Variants in CTNNA2 observed in about 807,000 individuals in gnomAD.
CTNNA2 encodes catenin alpha-2.
CTNNA2 carries 42 observed loss-of-function variants against 101.0 expected under a neutral mutation model. The observed-to-expected ratio is 0.42, with a 90% CI of 0.32 to 0.54. CTNNA2 has a LOEUF of 0.54. Ranked by LOEUF, CTNNA2 falls within the 20% of genes least tolerant of loss-of-function variation. The pLI, the probability that CTNNA2 is intolerant of heterozygous loss-of-function variation, is 0.14. For synonymous variants in CTNNA2, 450 were observed against 456.4 expected (o/e 0.99, Z 0.18); for missense variants, 871 against 1,223.1 (o/e 0.71, Z 4.29).
At chr2:79,891,972 T>C (rs1259054118) in intron 6 of CTNNA2, among the ~76,000 whole-genome samples, 1 of 152,132 alleles carries the variant, frequency 6.6e-6, no homozygotes, top group Non-Finnish European at 1.5e-5. Flanking sequence ...ATTAAATCTG[T>C]TTACAGATAT....
At chr2:80,391,018 G>A (rs1157858868) in intron 7 of CTNNA2, among the ~76,000 whole-genome samples, 1 of 151,486 alleles carries the variant, frequency 6.6e-6, no homozygotes, top group Non-Finnish European at 1.5e-5. Flanking sequence ...TGTAATCCCA[G>A]CTATTCAGGA....
chr2:80,470,853 A>G (rs185611020), intron 9 of CTNNA2, among the ~76,000 whole-genome samples: 1 of 152,200 alleles, frequency 6.6e-6, no homozygotes, highest in Non-Finnish European at 1.5e-5. Flanking sequence ...GGAGACAGAT[A>G]AAAAAGGGGA....
intron 4 of CTNNA2, among the ~76,000 whole-genome samples, chr2:79,420,902 GGC>G (rs1678534056): frequency 1.3e-5 from 2 of 152,074 alleles, no homozygotes; most frequent in Non-Finnish European, 2.9e-5. Context: ...AAAATCTGGG[GGC>G]AGAAGTGGTG....
At chr2:79,366,930 A>G (rs189027277) in intron 3 of CTNNA2, among the ~76,000 whole-genome samples, 1 of 152,350 alleles carries the variant, frequency 6.6e-6, no homozygotes, top group Admixed American at 6.5e-5. Context: ...TCACTGAGAC[A>G]TTTAAACAGA....
In CTNNA2 at chr2:79,651,614, C is replaced by T. The variant is rs1375088104; in HGVS notation, c.58C>T (p.Arg20Trp). The change falls in exon 2 of 19, where the codon CGG becomes TGG. Residue 20 changes from arginine (R) to tryptophan (W), a missense_variant. Coordinates refer to ENST00000402739, the MANE Select transcript of CTNNA2 (RefSeq NM_001282597.3). The part of the protein sequence containing the change: ...LKWDPKSLEI[R>W]TLTVERLLEP... ...ATGGGACCCCAAAAGTTTGGAAATC[C>T]GGACGCTAACAGTGGAAAGGCTGTT... is the stretch of plus-strand genomic sequence containing the variant. 5.0e-6 allele frequency: 8 copies of T among 1,613,790 alleles called. No individual in the cohort carries two copies. The highest frequency in any genetic ancestry group is 2.2e-5 in the East Asian group (1 of 44,874).
intron 6 of CTNNA2, among the ~76,000 whole-genome samples, chr2:79,903,828 C>G (rs1038494511): frequency 6.6e-6 from 1 of 152,142 alleles, no homozygotes; most frequent in Non-Finnish European, 1.5e-5. Flanking sequence ...CAGGAGCATG[C>G]GCCTGTGCTT....
chr2:79,804,456 A>G (rs1676409159), intron 3 of CTNNA2, among the ~76,000 whole-genome samples: 1 of 152,192 alleles, frequency 6.6e-6, no homozygotes, highest in South Asian at 2.1e-4. Context: ...ATAATAAAAG[A>G]AAATATATAG....
chr2:79,817,794 A>G (rs375152669), intron 3 of CTNNA2, among the ~76,000 whole-genome samples: 1 of 152,210 alleles, frequency 6.6e-6, no homozygotes, highest in East Asian at 1.9e-4. Context: ...ACAGAATATT[A>G]ATGACAGGCT....
chr2:80,347,997 A>G (rs1299813272), intron 7 of CTNNA2, among the ~76,000 whole-genome samples: 2 of 152,088 alleles, frequency 1.3e-5, no homozygotes, highest in Non-Finnish European at 2.9e-5. Flanking sequence ...CAGTTCGATC[A>G]TGATGGGTTT....
rs187600082 is a variant in CTNNA2, at chr2:79,218,382, T to C, written c.-406+20306T>C. Reference sequence around the variant, plus strand: ...TTTTTTTTTAGAGACAGGATCTTGCTACATTGCCCAGGCTGGTCGTGAACT... The same window carrying C: ...TTTTTTTTTAGAGACAGGATCTTGCCACATTGCCCAGGCTGGTCGTGAACT... On this transcript the variant is annotated intron_variant, in intron 2 of 21. Coordinates refer to the CTNNA2 transcript ENST00000466387. Among the ~76,000 whole-genome samples, 491 of 147,432 alleles carry C rather than the reference T, an allele frequency of 3.3e-3. 5 individuals are homozygous for C. Among genetic ancestry groups the C allele is most frequent in the African/African-American group, 0.011 (459 of 40,286 alleles).
chr2:79,353,099 C>T (rs1198526898), intron 3 of CTNNA2, among the ~76,000 whole-genome samples: 1 of 152,182 alleles, frequency 6.6e-6, no homozygotes, highest in Admixed American at 6.5e-5. Flanking sequence ...ACGTCCAACA[C>T]TGGATTGCAA....
intron 9 of CTNNA2, among the ~76,000 whole-genome samples, chr2:80,447,698 G>A (rs141432177): frequency 3.9e-4 from 59 of 151,756 alleles, no homozygotes; most frequent in East Asian, 2.5e-3. Context: ...CTTCTCCCAC[G>A]CTGGGATAAC....
At chr2:80,096,071 C>T (rs1364999042) in intron 7 of CTNNA2, among the ~76,000 whole-genome samples, 1 of 151,746 alleles carries the variant, frequency 6.6e-6, no homozygotes, top group South Asian at 2.1e-4. Context: ...GCTCTTGCTT[C>T]TCTAGTTCTT....
At chr2:79,819,853 C>T (rs1677864771) in intron 3 of CTNNA2, among the ~76,000 whole-genome samples, 1 of 151,956 alleles carries the variant, frequency 6.6e-6, no homozygotes, top group South Asian at 2.1e-4. Flanking sequence ...CTGATTTGAT[C>T]ATTACATATT....
At chr2:80,231,816 T>C (rs1709230381) in intron 7 of CTNNA2, among the ~76,000 whole-genome samples, 1 of 152,204 alleles carries the variant, frequency 6.6e-6, no homozygotes, top group Non-Finnish European at 1.5e-5. Flanking sequence ...AGCTGTCTCT[T>C]ATGGAAGAAA....
intron 7 of CTNNA2, among the ~76,000 whole-genome samples, chr2:80,198,958 A>G (rs2149011572): frequency 6.6e-6 from 1 of 152,140 alleles, no homozygotes; most frequent in Middle Eastern, 3.4e-3. Flanking sequence ...CAAGGCGGGC[A>G]TATCACGAGG....
intron 9 of CTNNA2, among the ~76,000 whole-genome samples, chr2:80,536,202 A>G (rs1460360981): frequency 6.6e-6 from 1 of 152,176 alleles, no homozygotes; most frequent in Non-Finnish European, 1.5e-5. Context: ...GCACAGATAA[A>G]TGAATAAACC....
At chr2:79,521,690 A>G (rs1428991600) in intron 1 of CTNNA2, among the ~76,000 whole-genome samples, 1 of 152,132 alleles carries the variant, frequency 6.6e-6, no homozygotes, top group African/African-American at 2.4e-5. Context: ...TGTTTGTTAC[A>G]ATTTGATATA....
chr2:80,144,636 T>A (rs554068521), intron 7 of CTNNA2, among the ~76,000 whole-genome samples: 1 of 152,302 alleles, frequency 6.6e-6, no homozygotes, highest in East Asian at 1.9e-4. Flanking sequence ...TGGTGTCCAT[T>A]GTTATTTTTC....
Sources: gnomAD v4.1 joint callset for allele counts (sites outside exome capture counted in the v4.1 genomes callset) on GRCh38, gnomAD v4.1.1 for gene constraint, MANE v1.5 for transcripts, NCBI Gene and HGNC (gene_info 2026-07-23, HGNC 2026-07-21) for gene names.